BUD13: variants seen among roughly 807,000 people sequenced by gnomAD.
The protein encoded by BUD13 is BUD13 homolog.
Under a neutral mutation model 62.5 loss-of-function variants are expected in BUD13, and 47 were observed. The observed-to-expected ratio is 0.75, with a 90% CI of 0.60 to 0.96. BUD13 has a LOEUF of 0.96. BUD13 is among the 40% of genes least tolerant of loss of function. The probability of loss-of-function intolerance (pLI) is 0.00; values close to 1 mark genes in which losing one functional copy is unlikely to be tolerated. For missense variants in BUD13, 821 were observed against 790.9 expected, an observed-to-expected ratio of 1.04 and a Z score of -0.46; for synonymous variants, 293 against 280.1, an observed-to-expected ratio of 1.05 and a Z score of -0.46.
rs1487821055 is a variant in BUD13, at chr11:116,757,780, T to A, written c.1670A>T (p.Asn557Ile). The change falls in exon 8 of 10, where the codon AAC becomes ATC. Residue 557 changes from asparagine (N) to isoleucine (I), a missense_variant. By Grantham distance (149) the Asn-to-Ile change is moderately radical (BLOSUM62 -3). Coordinates refer to ENST00000260210, the MANE Select transcript of BUD13 (RefSeq NM_032725.4). ...NFIKKNKAKE[N>I]KNKKVRPRYS... ...AGAAGTCCCACCTTTTTTATTCTTGTTCTCCTTGGCCTTATTCTTCTTGAT... is the reference window on the plus strand; with the variant it reads ...AGAAGTCCCACCTTTTTTATTCTTGATCTCCTTGGCCTTATTCTTCTTGAT... The A allele has an allele frequency of 4.4e-6, 7 of 1,607,724 alleles. No individual in the cohort carries two copies. Among genetic ancestry groups the A allele is most frequent in the African/African-American group, 1.3e-5 (1 of 74,332 alleles).
intron 9 of BUD13, among the ~76,000 whole-genome samples, chr11:116,755,788 C>G (rs1940311405): frequency 6.6e-6 from 1 of 151,914 alleles, no homozygotes; most frequent in Non-Finnish European, 1.5e-5. Context: ...ATTATGTTAA[C>G]ATAATTAGTT....
chr11:116,770,587 C>T (rs934082491), intron 1 of BUD13, among the ~76,000 whole-genome samples: 7 of 151,938 alleles, frequency 4.6e-5, no homozygotes, highest in African/African-American at 7.3e-5. Context: ...CTCTGCCTCC[C>T]GGGTTCACAC....
chr11:116,751,036 A>G (rs1353219461), intron 9 of BUD13, among the ~76,000 whole-genome samples: 1 of 152,102 alleles, frequency 6.6e-6, no homozygotes, highest in African/African-American at 2.4e-5. Flanking sequence ...CTTAAAACTC[A>G]GCTCCCACAT....
chr11:116,772,476 A>G (rs1273358806), intron 1 of BUD13, among the ~76,000 whole-genome samples: 1 of 152,190 alleles, frequency 6.6e-6, no homozygotes, highest in Non-Finnish European at 1.5e-5. Context: ...CCGGGCCCTA[A>G]AGATCCAAGC....
rs187117860 is a variant in BUD13, at chr11:116,761,073, T to A, written c.1037-121A>T. ...AAGAATTCCTTACATTATTATTATTTTTTTTTTTTTGAGACAGTCTCAGGC... is the reference window on the plus strand; with the variant it reads ...AAGAATTCCTTACATTATTATTATTATTTTTTTTTTGAGACAGTCTCAGGC... On this transcript the variant is annotated intron_variant, in intron 4 of 9. Coordinates refer to ENST00000260210, the MANE Select transcript of BUD13 (RefSeq NM_032725.4). 4.1e-3 allele frequency: 3,209 copies of A among 782,620 alleles called. 24 individuals are homozygous for A. The highest frequency in any genetic ancestry group is 3.8e-3 in the Non-Finnish European group (1,987 of 521,238). The allele number at this position is 782,620 out of a possible 1,614,324, so 48.5% of individuals were successfully genotyped here. A position where few individuals can be genotyped will look rare whatever the true frequency, so the allele number is the denominator to read the frequency against.
intron 2 of BUD13, among the ~76,000 whole-genome samples, chr11:116,766,417 T>C (rs775402680): frequency 1.3e-5 from 2 of 152,242 alleles, no homozygotes; most frequent in African/African-American, 2.4e-5. Context: ...CAGGTCATAA[T>C]AGCCCTCTAC....
chr11:116,763,951 C>T (rs1438750123), intron 3 of BUD13, among the ~76,000 whole-genome samples: 2 of 152,158 alleles, frequency 1.3e-5, no homozygotes, highest in African/African-American at 4.8e-5. Flanking sequence ...ATTCTCACAA[C>T]AAGCCTAGGA....
Position 116,757,921 on chromosome 11 carries a change from T to G in BUD13, c.1529A>C (p.Asn510Thr). The G allele has an allele frequency of 6.2e-7, 1 of 1,614,134 alleles. No individual in the cohort carries two copies. Among genetic ancestry groups the G allele is most frequent in the African/African-American group, 1.3e-5 (1 of 75,046 alleles). The change falls in exon 8 of 10, where the codon AAT (asparagine) becomes ACT (threonine). Residue 510 changes from asparagine to threonine, a missense_variant. Physicochemically the swap from Asn to Thr is moderately conservative, Grantham distance 65. Transcript: ENST00000260210. ...CATCTCTTTCATTGCATCCTCCACA[T>G]TTTGTTGCTGTTGCCGGCTCTGGGC... ...GLAQSRQQQQ[N>T]VEDAMKEMQK...
intron 8 of BUD13, 46 bp downstream of exon 8, chr11:116,757,720 C>A: frequency 6.4e-7 from 1 of 1,554,420 alleles, no homozygotes; most frequent in Non-Finnish European, 8.7e-7. Context: ...CCTAATGATT[C>A]TCTCTTCACA....
chr11:116,761,292 T>A (rs527474282), intron 4 of BUD13, among the ~76,000 whole-genome samples: 2 of 152,280 alleles, frequency 1.3e-5, no homozygotes, highest in African/African-American at 4.8e-5. Flanking sequence ...CCTGAGGTGA[T>A]CTGCCCACCT....
At chr11:116,759,947 TTTCTTAACCAC>T (rs1940402226) in intron 5 of BUD13, among the ~76,000 whole-genome samples, 2 of 152,212 alleles carry the variant, frequency 1.3e-5, no homozygotes. Flanking sequence ...TATCATTCTG[TTTCTTAACCAC>T]TTACAAATAA....
In BUD13 at chr11:116,758,873, T is replaced by C. The variant is rs113239758; in HGVS notation, c.1360+201A>G. 1.3e-5 allele frequency among the ~76,000 whole-genome samples: 2 copies of C among 152,152 alleles called. 1 individual carries two copies. Among genetic ancestry groups the C allele is most frequent in the Admixed American group, 1.3e-4 (2 of 15,272 alleles). On this transcript the variant is annotated intron_variant, in intron 6 of 9. Coordinates refer to ENST00000260210, the MANE Select transcript of BUD13 (RefSeq NM_032725.4). ...TACCAAAGTGCTGGGATTACAAGCA[T>C]GAGCCACCGCGCCTGGGCGAAATGG...
At chr11:116,754,558 A>G (rs935927309) in intron 9 of BUD13, among the ~76,000 whole-genome samples, 3 of 152,224 alleles carry the variant, frequency 2.0e-5, no homozygotes, top group African/African-American at 7.2e-5. Context: ...CAAAACTCTC[A>G]GCAAAACAGG....
At chr11:116,769,792 C>T (rs1458982849) in intron 2 of BUD13, among the ~76,000 whole-genome samples, 2 of 152,186 alleles carry the variant, frequency 1.3e-5, no homozygotes, top group Non-Finnish European at 2.9e-5. Flanking sequence ...TGGCTCACGC[C>T]TGTAATCCCA....
intron 6 of BUD13, 52 bp from the exon 7 acceptor site, chr11:116,758,459 T>G: frequency 1.9e-6 from 3 of 1,593,376 alleles, no homozygotes; most frequent in Non-Finnish European, 2.6e-6. Flanking sequence ...GAAATAACAT[T>G]CTAAGAGATC....
At position 116,762,987 on chromosome 11, in the gene BUD13, G is replaced by T. The variant is rs779370532; in HGVS notation, c.602C>A (p.Ser201Tyr). The change falls in exon 4 of 10, where the codon TCT becomes TAT. Residue 201 changes from serine to tyrosine, a missense_variant. Transcript: ENST00000260210. Reference protein sequence around the residue: ...RRARHDSPDPSPPRRPQHNSS... With the variant: ...RRARHDSPDPYPPRRPQHNSS... ...ATTATGCTGAGGCCTCCTTGGGGGAGAAGGATCTGGAGAATCATGACGGGC... is the reference window on the plus strand; with the variant it reads ...ATTATGCTGAGGCCTCCTTGGGGGATAAGGATCTGGAGAATCATGACGGGC... 2.2e-5 allele frequency: 36 copies of T among 1,613,952 alleles called. No individual in the cohort carries two copies. Among genetic ancestry groups the T allele is most frequent in the Non-Finnish European group, 3.0e-5 (35 of 1,179,970 alleles).
rs1565314073 is a variant in BUD13 at position 116,762,767 on chromosome 11, C to T, written c.822G>A (p.Leu274=). ...LRRARHDSPD[L]APNVTYSLPR... is the part of the protein sequence containing the mutation. ...GCAGGGAATAAGTGACATTAGGAGC[C>T]AAATCAGGGGAGTCATGACGGGCCC... Residue 274 remains leucine (L), a synonymous_variant, in exon 4 of 10, where the codon TTG becomes TTA. Transcript: ENST00000260210. 1 of 1,614,152 alleles carries T rather than the reference C, an allele frequency of 6.2e-7. No homozygotes were observed. The highest frequency in any genetic ancestry group is 8.5e-7 in the Non-Finnish European group (1 of 1,180,008).
At chr11:116,765,556 C>T (rs1358643910) in intron 2 of BUD13, 110 bp from the exon 3 acceptor site, 2 of 1,111,542 alleles carry the variant, frequency 1.8e-6, no homozygotes, top group African/African-American at 1.5e-5. Flanking sequence ...CAAGGGCGTA[C>T]ATATATCCAA....
chr11:116,752,467 T>C (rs1279242721), intron 9 of BUD13, among the ~76,000 whole-genome samples: 1 of 148,970 alleles, frequency 6.7e-6, no homozygotes, highest in South Asian at 2.1e-4. Flanking sequence ...AAAAAGCAAC[T>C]GAGAAAAATG....
Sources: gnomAD v4.1 joint callset for allele counts (sites outside exome capture counted in the v4.1 genomes callset) on GRCh38, gnomAD v4.1.1 for gene constraint, MANE v1.5 for transcripts, NCBI Gene and HGNC (gene_info 2026-07-23, HGNC 2026-07-21) for gene names.